The following BCR variants were observed in gnomAD, a reference collection of about 807,000 sequenced individuals.
BCR encodes the protein BCR activator of RhoGEF and GTPase.
Under a neutral mutation model 138.6 loss-of-function variants are expected in BCR, and 58 were observed. The observed-to-expected ratio is 0.42, with a 90% CI of 0.34 to 0.52. The LOEUF (loss-of-function observed/expected upper bound fraction) is 0.52, where lower values mean the gene tolerates loss of function less well. BCR is among the 20% of genes least tolerant of loss of function. BCR has a pLI of 0.06. For synonymous variants in BCR, 786 were observed against 730.1 expected, an observed-to-expected ratio of 1.08 and a Z score of -1.23; for missense variants, 1,599 against 1,727.2, an observed-to-expected ratio of 0.93 and a Z score of 1.32.
At chr22:23,252,935 C>T (rs1430649068) in intron 1 of BCR, among the ~76,000 whole-genome samples, 2 of 152,154 alleles carry the variant, frequency 1.3e-5, no homozygotes, top group South Asian at 2.1e-4. Flanking sequence ...GCATCAGATC[C>T]CACTGTTAAG....
At position 23,181,584 on chromosome 22, in the gene BCR, G is replaced by T. The variant is rs1040941550; in HGVS notation, c.624G>T (p.Met208Ile). 1.3e-5 allele frequency: 21 copies of T among 1,612,860 alleles called. No homozygotes were observed. Among genetic ancestry groups the T allele is most frequent in the Non-Finnish European group, 1.8e-5 (21 of 1,180,000 alleles). Residue 208 changes from methionine (M) to isoleucine (I), a missense_variant, in exon 1 of 23, where the codon ATG becomes ATT. By Grantham distance (10) the Met-to-Ile change is conservative. Coordinates refer to ENST00000305877, the MANE Select transcript of BCR (RefSeq NM_004327.4). Reference protein sequence around the residue: ...DRISSLGSQAMQMERKKSQHG... With the variant: ...DRISSLGSQAIQMERKKSQHG... ...TCAGCTCCCTGGGCAGCCAGGCCAT[G>T]CAGATGGAGCGCAAAAAGTCCCAGC...
At chr22:23,211,651 G>GT (rs933644000) in intron 1 of BCR, among the ~76,000 whole-genome samples, 19 of 147,860 alleles carry the variant, frequency 1.3e-4, no homozygotes, top group Admixed American at 4.6e-4. Context: ...CGCCTGGCTA[G>GT]TTTTTTTTGT....
At chr22:23,224,960 G>T (rs1276621132) in intron 1 of BCR, among the ~76,000 whole-genome samples, 1 of 151,992 alleles carries the variant, frequency 6.6e-6, no homozygotes, top group Non-Finnish European at 1.5e-5. Flanking sequence ...TGTTCTTATA[G>T]ATGTCTCTGG....
chr22:23,214,287 A>G (rs1324685876), intron 1 of BCR, among the ~76,000 whole-genome samples: 1 of 151,374 alleles, frequency 6.6e-6, no homozygotes, highest in African/African-American at 2.4e-5. Flanking sequence ...CGGAGTGTTC[A>G]TTTCTCAGCA....
At chr22:23,270,931 A>T (rs2073502760) in intron 5 of BCR, among the ~76,000 whole-genome samples, 1 of 152,234 alleles carries the variant, frequency 6.6e-6, no homozygotes, top group Admixed American at 6.5e-5. Context: ...AGATCCGGAG[A>T]GGGCAGGTGG....
At chr22:23,290,182 G>A in intron 13 of BCR, 157 bp from the exon 14 acceptor site, 1 of 724,810 alleles carries the variant, frequency 1.4e-6, no homozygotes, top group South Asian at 1.6e-5. Flanking sequence ...AAATCATGAT[G>A]AGTATGTTTT....
rs781030530 is a variant in BCR at position 23,181,311 on chromosome 22, C to T, written c.351C>T (p.Pro117=). The change falls in exon 1 of 23, where the codon CCC becomes CCT. Residue 117 remains proline (P), a synonymous_variant. Transcript: ENST00000305877. ...CCGCCGAGGAGCCCGAGGCCCGGCC[C>T]GACGGCGAGGGTTCTCCGGGTAAGG... The part of the protein sequence containing the change: ...PPPAEEPEAR[P]DGEGSPGKAR... 1.5e-6 allele frequency: 2 copies of T among 1,367,126 alleles called. No individual in the cohort carries two copies. Among genetic ancestry groups the T allele is most frequent in the Non-Finnish European group, 1.9e-6 (2 of 1,060,038 alleles). The allele number at this position is 1,367,126 out of a possible 1,614,324, so 84.7% of individuals were successfully genotyped here. A position where few individuals can be genotyped will look rare whatever the true frequency, so the allele number is the denominator to read the frequency against.
At chr22:23,284,963 C>T (rs2073693723) in intron 9 of BCR, 70 bp from the exon 10 acceptor site, 5 of 1,531,984 alleles carry the variant, frequency 3.3e-6, no homozygotes, top group South Asian at 2.5e-5. Context: ...CTCTTGGGCT[C>T]TTGACAGCAG....
intron 5 of BCR, among the ~76,000 whole-genome samples, chr22:23,270,896 C>G (rs1383505729): frequency 6.6e-6 from 1 of 152,240 alleles, no homozygotes; most frequent in Non-Finnish European, 1.5e-5. Flanking sequence ...ATCTTAGCAC[C>G]TCATTTTTTA....
At position 23,180,851 on chromosome 22, in the gene BCR, G is replaced by GT; in HGVS notation, c.-110_-109insT. On this transcript the variant is annotated 5_prime_UTR_variant, in exon 1 of 23. Coordinates refer to ENST00000305877, the MANE Select transcript of BCR (RefSeq NM_004327.4). Reference sequence around the variant, plus strand: ...CATTGTTCGCCGCCGCCGCCGCCGCGCGGGCCATGGGGGCCGCCCGGCGCC... The same window carrying GT: ...CATTGTTCGCCGCCGCCGCCGCCGCGTCGGGCCATGGGGGCCGCCCGGCGCC... 2.8e-6 allele frequency: 1 copy of GT among 356,416 alleles called. No homozygotes were observed. The highest frequency in any genetic ancestry group is 3.1e-6 in the Non-Finnish European group (1 of 325,530). The allele number at this position is 356,416 out of a possible 1,614,324, so 22.1% of individuals were successfully genotyped here.
At chr22:23,286,287 C>A (rs1019167852) in intron 10 of BCR, among the ~76,000 whole-genome samples, 1 of 152,194 alleles carries the variant, frequency 6.6e-6, no homozygotes, top group Non-Finnish European at 1.5e-5. Context: ...CAAAGGTTAG[C>A]CAGGCCAGAG....
At chr22:23,221,188 G>T (rs2072820321) in intron 1 of BCR, among the ~76,000 whole-genome samples, 1 of 152,172 alleles carries the variant, frequency 6.6e-6, no homozygotes, top group South Asian at 2.1e-4. Context: ...TTTACAAATT[G>T]GAGGATGGCG....
chr22:23,304,971 C>T (rs991566420), intron 16 of BCR, among the ~76,000 whole-genome samples: 2 of 152,106 alleles, frequency 1.3e-5, no homozygotes, highest in African/African-American at 2.4e-5. Context: ...AAAAATTAAC[C>T]GGGCATGGTG....
intron 1 of BCR, among the ~76,000 whole-genome samples, chr22:23,239,160 C>T (rs1038836080): frequency 1.3e-5 from 2 of 152,166 alleles, no homozygotes; most frequent in African/African-American, 2.4e-5. Context: ...CAAAGCCCCT[C>T]AGGCCCTGTG....
chr22:23,243,553 C>T (rs898504035), intron 1 of BCR, among the ~76,000 whole-genome samples: 2 of 152,140 alleles, frequency 1.3e-5, no homozygotes, highest in Non-Finnish European at 2.9e-5. Context: ...TGTTACCCAG[C>T]CCTCTTCCGT....
chr22:23,207,518 G>A (rs1178846283), intron 1 of BCR, among the ~76,000 whole-genome samples: 4 of 152,140 alleles, frequency 2.6e-5, no homozygotes, highest in Admixed American at 2.6e-4. Flanking sequence ...AGCTACTCTG[G>A]AGGCTGAGTT....
intron 1 of BCR, among the ~76,000 whole-genome samples, chr22:23,202,171 G>T (rs754496982): frequency 4.6e-5 from 7 of 152,096 alleles, no homozygotes; most frequent in Non-Finnish European, 4.4e-5. Flanking sequence ...CAGCTGGTTA[G>T]TATAATGTTT....
intron 1 of BCR, among the ~76,000 whole-genome samples, chr22:23,207,466 A>C (rs2072630638): frequency 6.6e-6 from 1 of 151,634 alleles, no homozygotes. Context: ...TTTACAAAAA[A>C]TTAAAAATTA....
chr22:23,290,237 A>C (rs2073769802), intron 13 of BCR, 102 bp from the exon 14 acceptor site: 2 of 1,194,688 alleles, frequency 1.7e-6, no homozygotes, highest in Non-Finnish European at 1.2e-6. Flanking sequence ...GATGGCAGCC[A>C]CACAGTGTCC....
Sources: gnomAD v4.1 joint callset for allele counts (sites outside exome capture counted in the v4.1 genomes callset) on GRCh38, gnomAD v4.1.1 for gene constraint, MANE v1.5 for transcripts, NCBI Gene and HGNC (gene_info 2026-07-23, HGNC 2026-07-21) for gene names.